The following EYS variants were observed in gnomAD, a reference collection of about 807,000 sequenced individuals.
EYS encodes protein eyes shut homolog.
In EYS, 250 loss-of-function variants were observed where a neutral mutation model predicts 282.1. The observed-to-expected ratio is 0.89, with a 90% CI of 0.80 to 0.98. The LOEUF is 0.98. Among genes scored for constraint, EYS ranks in the 50% least tolerant of loss-of-function variants. The probability of loss-of-function intolerance (pLI) is 0.00; values close to 1 mark genes in which losing one functional copy is unlikely to be tolerated. For synonymous variants in EYS, 1,355 were observed against 1,282.9 expected, an observed-to-expected ratio of 1.06 and a Z score of -1.20; for missense variants, 4,016 against 3,709.0, an observed-to-expected ratio of 1.08 and a Z score of -2.15.
Position 64,084,923 on chromosome 6 carries a change from C to T in EYS, c.6425-2921G>A, listed in dbSNP as rs534498334. 8.5e-5 allele frequency among the ~76,000 whole-genome samples: 13 copies of T among 152,080 alleles called. No individual in the cohort carries two copies. The East Asian group carries it at 1.9e-3, about 23-fold the overall frequency. ...TTTCCTGAGGGGTACATATCTAGTC[C>T]GTGGTAAAGACTCTTAAATTCCTGG... On this transcript the variant is annotated intron_variant, in intron 31 of 42. Transcript: ENST00000503581.
At chr6:63,939,070 G>A (rs1765156283) in intron 35 of EYS, among the ~76,000 whole-genome samples, 1 of 151,816 alleles carries the variant, frequency 6.6e-6, no homozygotes, top group Non-Finnish European at 1.5e-5. Flanking sequence ...AATTGGAACA[G>A]AGGCTTTCTG....
In EYS at chr6:65,149,126, T is replaced by A. The variant is rs185433618; in HGVS notation, c.2024-91399A>T. 6.2e-4 allele frequency among the ~76,000 whole-genome samples: 95 copies of A among 152,266 alleles called. No homozygotes were observed. In the East Asian group the frequency reaches 8.2e-3, roughly 13 times the overall value. The stretch of plus-strand genomic sequence containing the variant: ...TGGTGATTAACATTCTGTTCTGTTT[T>A]ACATATGCAAATTTCTGTAGTAGGC... On this transcript the variant is annotated intron_variant, in intron 12 of 42. Coordinates refer to ENST00000503581, the MANE Select transcript of EYS (RefSeq NM_001142800.2).
At position 64,581,008 on chromosome 6, in the gene EYS, T is replaced by A. The variant is rs191863661; in HGVS notation, c.5644+9215A>T. On this transcript the variant is annotated intron_variant, in intron 26 of 42. Coordinates refer to ENST00000503581, the MANE Select transcript of EYS (RefSeq NM_001142800.2). Reference sequence around the variant, plus strand: ...TTTTTGGTATTGGGAAGATTACAATTTTATCTCAAGTTTAAAGTATTGAGA... The same window carrying A: ...TTTTTGGTATTGGGAAGATTACAATATTATCTCAAGTTTAAAGTATTGAGA... Among the ~76,000 whole-genome samples the A allele has an allele frequency of 1.1e-4, 16 of 152,216 alleles. No homozygotes were observed. The East Asian group carries it at 2.9e-3, about 28-fold the overall frequency.
chr6:64,467,612 T>C (rs1775967087), intron 26 of EYS, among the ~76,000 whole-genome samples: 1 of 152,044 alleles, frequency 6.6e-6, no homozygotes, highest in Admixed American at 6.5e-5. Context: ...ACCCCACTTA[T>C]TACCACCACT....
chr6:64,310,635 T>C (rs1262254928), intron 29 of EYS, among the ~76,000 whole-genome samples: 4 of 152,174 alleles, frequency 2.6e-5, no homozygotes, highest in Admixed American at 2.0e-4. Flanking sequence ...AACTAATATG[T>C]ACTAGGCTTA....
intron 1 of EYS, among the ~76,000 whole-genome samples, chr6:65,706,449 C>T (rs1769882561): frequency 6.6e-6 from 1 of 151,954 alleles, no homozygotes. Context: ...AATAATAAGA[C>T]TGGTAGTGTA....
chr6:65,574,961 GA>G (rs1413423293), intron 2 of EYS, among the ~76,000 whole-genome samples: 11 of 151,992 alleles, frequency 7.2e-5, no homozygotes, highest in African/African-American at 2.4e-4. Context: ...AATGGTAAGA[GA>G]AATTTCAAAA....
chr6:64,772,184 T>A (rs964644189), intron 22 of EYS, among the ~76,000 whole-genome samples: 3 of 151,728 alleles, frequency 2.0e-5, no homozygotes, highest in Non-Finnish European at 4.4e-5. Context: ...TAATCTGTTT[T>A]TAGGGAATCC....
intron 2 of EYS, among the ~76,000 whole-genome samples, chr6:65,517,235 A>AT (rs1767170600): frequency 1.3e-5 from 2 of 151,774 alleles, no homozygotes; most frequent in South Asian, 4.1e-4. Flanking sequence ...CCTAGGATAT[A>AT]TTTTATACCT....
At chr6:64,027,346 C>T (rs775998490) in intron 33 of EYS, among the ~76,000 whole-genome samples, 1 of 152,182 alleles carries the variant, frequency 6.6e-6, no homozygotes. Flanking sequence ...AAAATATACT[C>T]CCCTGTCACC....
At chr6:64,840,484 T>A (rs1208819628) in intron 19 of EYS, among the ~76,000 whole-genome samples, 1 of 152,112 alleles carries the variant, frequency 6.6e-6, no homozygotes, top group Non-Finnish European at 1.5e-5. Flanking sequence ...ACAGGCCAAG[T>A]GATGGGAGAA....
chr6:65,492,157 C>T (rs1766069224), intron 4 of EYS, among the ~76,000 whole-genome samples: 1 of 152,126 alleles, frequency 6.6e-6, no homozygotes, highest in South Asian at 2.1e-4. Context: ...TCATTATCTT[C>T]TTCGATTTTT....
chr6:63,836,354 T>A (rs1771804963), intron 36 of EYS, among the ~76,000 whole-genome samples: 1 of 151,892 alleles, frequency 6.6e-6, no homozygotes, highest in African/African-American at 2.4e-5. Flanking sequence ...TTTGGTAAAA[T>A]ATTTGTCTTT....
In EYS at chr6:64,311,577, C is replaced by T. The variant is rs147012701; in HGVS notation, c.6079-4495G>A. Among the ~76,000 whole-genome samples the T allele has an allele frequency of 1.6e-3, 248 of 152,246 alleles. 1 individual carries two copies. The highest frequency in any genetic ancestry group is 5.8e-3 in the African/African-American group (239 of 41,544). On this transcript the variant is annotated intron_variant, in intron 29 of 42. Coordinates refer to ENST00000503581, the MANE Select transcript of EYS (RefSeq NM_001142800.2). ...ATAATAAAAACAAAATTCTCGAGCT[C>T]GCTGGCAAGATGGCTGAATAGGAAC...
At chr6:64,915,137 C>G (rs1407642543) in intron 15 of EYS, among the ~76,000 whole-genome samples, 1 of 151,930 alleles carries the variant, frequency 6.6e-6, no homozygotes, top group East Asian at 1.9e-4. Flanking sequence ...TCTCCTATAT[C>G]CCATTACTGA....
chr6:65,367,231 T>C (rs886714360), intron 8 of EYS, among the ~76,000 whole-genome samples: 38 of 151,650 alleles, frequency 2.5e-4, no homozygotes, highest in African/African-American at 8.9e-4. Flanking sequence ...AGCTTTACCA[T>C]ATGTACAGAT....
intron 10 of EYS, among the ~76,000 whole-genome samples, chr6:65,343,807 A>G (rs1259519173): frequency 4.5e-4 from 68 of 151,596 alleles, no homozygotes; most frequent in Non-Finnish European, 8.9e-5. Flanking sequence ...GAAGACTAGG[A>G]ACAAAATGAT....
intron 31 of EYS, among the ~76,000 whole-genome samples, chr6:64,134,798 C>A (rs141310529): frequency 6.6e-6 from 1 of 151,882 alleles, no homozygotes; most frequent in Non-Finnish European, 1.5e-5. Context: ...AAAGGAAGGA[C>A]AGAGGGAAAA....
At chr6:64,365,931 A>G (rs1772166658) in intron 29 of EYS, among the ~76,000 whole-genome samples, 1 of 152,076 alleles carries the variant, frequency 6.6e-6, no homozygotes, top group Non-Finnish European at 1.5e-5. Flanking sequence ...AGCACTAACT[A>G]GAACAGAGTT....
Sources: allele counts gnomAD v4.1 joint callset (sites outside exome capture counted in the v4.1 genomes callset), GRCh38; gene constraint gnomAD v4.1.1; transcripts MANE v1.5; gene names NCBI Gene and HGNC (gene_info 2026-07-23, HGNC 2026-07-21).